Variants in KNTC1 observed in about 807,000 individuals in gnomAD.
KNTC1 encodes kinetochore associated 1.
In KNTC1, 253 loss-of-function variants were observed where a neutral mutation model predicts 314.4. That is an observed-to-expected ratio of 0.80 (90% CI 0.73 to 0.89). The LOEUF is 0.89. Ranked by LOEUF, KNTC1 falls within the 40% of genes least tolerant of loss-of-function variation. KNTC1 has a pLI of 0.00. For synonymous variants in KNTC1, 901 were observed against 901.4 expected, an observed-to-expected ratio of 1.00 and a Z score of 0.01; for missense variants, 2,475 against 2,572.9, an observed-to-expected ratio of 0.96 and a Z score of 0.82.
chr12:122,599,095 T>A (rs1029076881), intron 44 of KNTC1, among the ~76,000 whole-genome samples: 5 of 152,130 alleles, frequency 3.3e-5, no homozygotes, highest in African/African-American at 9.7e-5. Flanking sequence ...TTATAATTAA[T>A]ATCTTCATAC....
At chr12:122,583,530 GA>G (rs1868746749) in intron 34 of KNTC1, among the ~76,000 whole-genome samples, 1 of 152,042 alleles carries the variant, frequency 6.6e-6, no homozygotes. Context: ...TTAGTCATTT[GA>G]AAAACAGGCT....
At chr12:122,544,532 A>G (rs1211749806) in intron 8 of KNTC1, among the ~76,000 whole-genome samples, 1 of 152,232 alleles carries the variant, frequency 6.6e-6, no homozygotes, top group Non-Finnish European at 1.5e-5. Flanking sequence ...AAACAAAACC[A>G]AAAAATTCCA....
At chr12:122,616,837 G>C (rs892878895) in intron 57 of KNTC1, among the ~76,000 whole-genome samples, 2 of 152,062 alleles carry the variant, frequency 1.3e-5, no homozygotes, top group Non-Finnish European at 2.9e-5. Flanking sequence ...TCTAATTCCA[G>C]AACATTTTCC....
intron 36 of KNTC1, 128 bp downstream of exon 36, chr12:122,585,118 G>A: frequency 1.6e-6 from 1 of 619,300 alleles, no homozygotes; most frequent in Non-Finnish European, 2.9e-6. Context: ...GCTTACTGCA[G>A]TCTTGAACTG....
At chr12:122,554,076 A>AAAAAAAAAAATATATATATAT (rs370146333) in intron 16 of KNTC1, among the ~76,000 whole-genome samples, 8 of 109,048 alleles carry the variant, frequency 7.3e-5, no homozygotes, top group African/African-American at 3.1e-4. Context: ...AAAAAAAAAA[A>AAAAAAAAAAATATATATATAT]ATATATATAT....
In KNTC1 at chr12:122,626,236, A is replaced by G; in HGVS notation, c.*8A>G. ...CTTAGTGGATTATCGTAAATCACTG[A>G]ACCTTTTTTTCAAGAAGGACAAGAA... On this transcript the variant is annotated 3_prime_UTR_variant, in exon 64 of 64. Coordinates refer to ENST00000333479, the MANE Select transcript of KNTC1 (RefSeq NM_014708.6). 4 of 1,585,360 alleles carry G rather than the reference A, an allele frequency of 2.5e-6. No homozygotes were observed. Among genetic ancestry groups the G allele is most frequent in the Non-Finnish European group, 3.5e-6 (4 of 1,158,584 alleles).
intron 42 of KNTC1, chr12:122,593,628 AG>A (rs1453631554): frequency 1.3e-5 from 2 of 151,766 alleles, no homozygotes; most frequent in Non-Finnish European, 2.9e-5. Flanking sequence ...TGTCTTTGAC[AG>A]GATCTCATTC....
Position 122,615,486 on chromosome 12 carries a change from A to C in KNTC1, c.5990A>C (p.Lys1997Thr). 1 of 1,525,054 alleles carries C rather than the reference A, an allele frequency of 6.6e-7. No individual in the cohort carries two copies. The highest frequency in any genetic ancestry group is 2.5e-5 in the East Asian group (1 of 40,622). The allele number at this position is 1,525,054 out of a possible 1,614,324, so 94.5% of individuals were successfully genotyped here. The change falls in exon 57 of 64, where the codon AAA becomes ACA. Residue 1997 changes from lysine (K) to threonine (T), a missense_variant. By Grantham distance (78) the Lys-to-Thr change is moderately conservative. Coordinates refer to ENST00000333479, the MANE Select transcript of KNTC1 (RefSeq NM_014708.6). Reference sequence around the variant, plus strand: ...TTTTTACAGATTCCTTATCTAAGGAAAGTTTTAAAAGCCATCTCCAGTATC... The same window carrying C: ...TTTTTACAGATTCCTTATCTAAGGACAGTTTTAAAAGCCATCTCCAGTATC... ...LGFNMIPYLR[K>T]VLKAISSIHS... is the part of the protein sequence containing the mutation.
chr12:122,541,616 A>G (rs1000239613), intron 5 of KNTC1, among the ~76,000 whole-genome samples: 29 of 151,126 alleles, frequency 1.9e-4, no homozygotes, highest in Non-Finnish European at 4.0e-4. Context: ...AAGTGTTGGC[A>G]TTACAGGCGT....
At chr12:122,584,554 A>G in intron 35 of KNTC1, 104 bp downstream of exon 35, 1 of 768,286 alleles carries the variant, frequency 1.3e-6, no homozygotes, top group East Asian at 2.7e-5. Context: ...TAATCAGACT[A>G]GAGATAGTAT....
At chr12:122,606,280 TGCAGTG>T (rs1036585841) in intron 51 of KNTC1, among the ~76,000 whole-genome samples, 23 of 146,288 alleles carry the variant, frequency 1.6e-4, no homozygotes, top group Admixed American at 1.4e-3. Flanking sequence ...CAGTCTGGAG[TGCAGTG>T]GCGTGATCTC....
intron 19 of KNTC1, among the ~76,000 whole-genome samples, chr12:122,562,243 T>TA (rs1457503141): frequency 6.6e-6 from 1 of 152,202 alleles, no homozygotes; most frequent in East Asian, 1.9e-4. Context: ...ATGATGGTGC[T>TA]AAAATACATG....
intron 4 of KNTC1, 101 bp downstream of exon 4, chr12:122,538,555 T>A: frequency 1.5e-6 from 1 of 662,034 alleles, no homozygotes; most frequent in Non-Finnish European, 2.5e-6. Context: ...TGTTTTAAAT[T>A]AAAGCAATGT....
chr12:122,577,851 G>A, intron 31 of KNTC1, 60 bp downstream of exon 31: 1 of 1,463,228 alleles, frequency 6.8e-7, no homozygotes, highest in Non-Finnish European at 9.4e-7. Flanking sequence ...TTAATCAATA[G>A]GATAGAAAAG....
At chr12:122,557,955 G>T (rs988749909) in intron 18 of KNTC1, among the ~76,000 whole-genome samples, 3 of 152,110 alleles carry the variant, frequency 2.0e-5, no homozygotes, top group Non-Finnish European at 1.5e-5. Context: ...CTCCCCAAAA[G>T]AACCTCTATC....
intron 26 of KNTC1, 88 bp from the exon 27 acceptor site, chr12:122,574,194 C>A: frequency 1.4e-6 from 1 of 689,792 alleles, no homozygotes; most frequent in Non-Finnish European, 2.5e-6. Context: ...CTATCAAGGC[C>A]ATATAATATC....
chr12:122,542,155 T>G, intron 6 of KNTC1, 28 bp downstream of exon 6: 1 of 1,355,088 alleles, frequency 7.4e-7, no homozygotes, highest in Non-Finnish European at 1.0e-6. Context: ...TTTTTATTAT[T>G]GATTTGCAGC....
intron 16 of KNTC1, among the ~76,000 whole-genome samples, chr12:122,554,076 A>AATATATATATATATATATATATATAT (rs60404988): frequency 1.8e-5 from 2 of 109,040 alleles, no homozygotes; most frequent in African/African-American, 7.8e-5. Flanking sequence ...AAAAAAAAAA[A>AATATATATATATATATATATATATAT]ATATATATAT....
chr12:122,576,129 G>A (rs771369844), intron 29 of KNTC1, among the ~76,000 whole-genome samples: 20 of 152,122 alleles, frequency 1.3e-4, no homozygotes, highest in Non-Finnish European at 2.2e-4. Context: ...GCGCGATCTC[G>A]GCTCACCACA....
Sources: allele counts gnomAD v4.1 joint callset (sites outside exome capture counted in the v4.1 genomes callset), GRCh38; gene constraint gnomAD v4.1.1; transcripts MANE v1.5; gene names NCBI Gene and HGNC (gene_info 2026-07-23, HGNC 2026-07-21).